Variants in LMO7 observed in about 807,000 individuals in gnomAD.
The protein encoded by LMO7 is LIM domain 7, also known as LIM domain only protein 7.
A neutral mutation model predicts 206.5 loss-of-function variants in LMO7; 120 were observed. That is an observed-to-expected ratio of 0.58 (90% confidence interval 0.50 to 0.68). LMO7 has a LOEUF of 0.68. LMO7 is among the 30% of genes least tolerant of loss of function. The probability of loss-of-function intolerance (pLI) is 0.00; values close to 1 mark genes in which losing one functional copy is unlikely to be tolerated. For missense variants in LMO7, 1,959 were observed against 1,957.9 expected (o/e 1.00, Z -0.01); for synonymous variants, 706 against 681.5 (o/e 1.04, Z -0.56).
At chr13:75,669,125 C>G (rs2039322522) in intron 1 of LMO7, among the ~76,000 whole-genome samples, 1 of 152,098 alleles carries the variant, frequency 6.6e-6, no homozygotes, top group East Asian at 1.9e-4. Context: ...AGTGCAGTAA[C>G]CAGTAAGAAA....
At chr13:75,713,134 G>A (rs758437866) in intron 1 of LMO7, 48 bp from the exon 2 acceptor site, 1 of 1,365,110 alleles carries the variant, frequency 7.3e-7, no homozygotes, top group Admixed American at 1.8e-5. Flanking sequence ...TTGGACTTGT[G>A]TGCTATCCCT....
chr13:75,700,107 T>C (rs2042183301), intron 1 of LMO7, among the ~76,000 whole-genome samples: 2 of 152,376 alleles, frequency 1.3e-5, no homozygotes, highest in South Asian at 4.1e-4. Flanking sequence ...TCTCCCTTGT[T>C]TCCTGAACAT....
At chr13:75,760,645 T>A in intron 3 of LMO7, 4 of 1,478,040 alleles carry the variant, frequency 2.7e-6, no homozygotes, top group Non-Finnish European at 3.6e-6. Flanking sequence ...GCTCAGTGGC[T>A]AGGCACTTGT....
chr13:75,834,879 A>G (rs897658781), intron 17 of LMO7, among the ~76,000 whole-genome samples: 5 of 152,184 alleles, frequency 3.3e-5, no homozygotes, highest in Admixed American at 3.3e-4. Context: ...CAGACCTACC[A>G]ACTTATGATA....
At chr13:75,719,697 C>T (rs961180776) in intron 2 of LMO7, among the ~76,000 whole-genome samples, 4 of 152,182 alleles carry the variant, frequency 2.6e-5, no homozygotes, top group Admixed American at 6.5e-5. Flanking sequence ...CCAGTCATGC[C>T]TCCTGTTAAG....
intron 4 of LMO7, among the ~76,000 whole-genome samples, chr13:75,767,498 C>T (rs913828821): frequency 6.6e-6 from 1 of 152,016 alleles, no homozygotes; most frequent in Non-Finnish European, 1.5e-5. Context: ...AAGCCTCACT[C>T]CTTCTAAAGT....
intron 4 of LMO7, among the ~76,000 whole-genome samples, chr13:75,772,969 G>A (rs1464699626): frequency 2.0e-5 from 3 of 152,084 alleles, no homozygotes; most frequent in African/African-American, 7.2e-5. Flanking sequence ...ACCACACTGA[G>A]TAACAAGGGT....
intron 15 of LMO7, among the ~76,000 whole-genome samples, chr13:75,831,885 G>A (rs1419782570): frequency 2.0e-5 from 3 of 152,064 alleles, no homozygotes; most frequent in East Asian, 1.9e-4. Context: ...CCACACCATA[G>A]CAAGTACTAT....
At chr13:75,764,595 G>A (rs916406310) in intron 4 of LMO7, among the ~76,000 whole-genome samples, 8 of 152,130 alleles carry the variant, frequency 5.3e-5, no homozygotes, top group African/African-American at 1.9e-4. Context: ...TGGCAGAAAG[G>A]TAGGGTTTAA....
intron 19 of LMO7, among the ~76,000 whole-genome samples, chr13:75,837,393 A>G (rs565364098): frequency 3.3e-5 from 5 of 152,356 alleles, no homozygotes; most frequent in African/African-American, 9.6e-5. Flanking sequence ...ATAGGTGATC[A>G]GACATCTAGC....
intron 23 of LMO7, 75 bp from the exon 24 acceptor site, chr13:75,841,553 G>A: frequency 9.3e-7 from 1 of 1,078,542 alleles, no homozygotes; most frequent in African/African-American, 1.6e-5. Flanking sequence ...ATCTAAAACT[G>A]AATATATATG....
chr13:75,829,442 A>G (rs940338732), intron 15 of LMO7, among the ~76,000 whole-genome samples: 1 of 152,088 alleles, frequency 6.6e-6, no homozygotes, highest in African/African-American at 2.4e-5. Flanking sequence ...ATGGATCAGG[A>G]TTTAGAGAGA....
intron 3 of LMO7, among the ~76,000 whole-genome samples, chr13:75,758,900 A>G (rs2047911471): frequency 6.6e-6 from 1 of 152,134 alleles, no homozygotes; most frequent in Non-Finnish European, 1.5e-5. Flanking sequence ...TCCTTTATTG[A>G]TATGAGACTT....
At position 75,636,845 on chromosome 13, in the gene LMO7, G is replaced by T; in HGVS notation, c.69+119G>T. 1.3e-5 allele frequency: 13 copies of T among 982,140 alleles called. No individual in the cohort carries two copies. In the South Asian group the frequency reaches 1.8e-4, roughly 14 times the overall value. 60.8% of individuals were successfully genotyped at this position (982,140 alleles called of 1,614,324 possible). A position where few individuals can be genotyped will look rare whatever the true frequency, so the allele number is the denominator to read the frequency against. On this transcript the variant is annotated intron_variant, in intron 1 of 30. Transcript: ENST00000377534. ...AGCCTCCTTCGGCGACCCAGCCGAC[G>T]TGAACAAGCTGGTTTGCTTGTGCAC...
Position 75,855,356 on chromosome 13 carries a change from G to A in LMO7, c.4758G>A (p.Leu1586=). 6.2e-7 allele frequency: 1 copy of A among 1,610,996 alleles called. No individual in the cohort carries two copies. Among genetic ancestry groups the A allele is most frequent in the Non-Finnish European group, 8.5e-7 (1 of 1,177,326 alleles). Residue 1586 remains leucine (L), a synonymous_variant, in exon 29 of 31, where the codon TTG becomes TTA. Transcript: ENST00000377534. The part of the protein sequence containing the change: ...IIESLGLCYH[L]HCFKCVACEC... ...AGTCCCTGGGTCTTTGTTATCATTT[G>A]CATTGTTTTAAGGTGAGACTGAGAC...
At chr13:75,778,194 T>A (rs2050789289) in intron 4 of LMO7, among the ~76,000 whole-genome samples, 1 of 152,210 alleles carries the variant, frequency 6.6e-6, no homozygotes, top group Non-Finnish European at 1.5e-5. Flanking sequence ...TTGAAACATT[T>A]TGTTCTGTGG....
chr13:75,742,402 G>A (rs2046486926), intron 3 of LMO7, among the ~76,000 whole-genome samples: 1 of 152,030 alleles, frequency 6.6e-6, no homozygotes, highest in South Asian at 2.1e-4. Context: ...AACCAAAAAA[G>A]CCCCAATAGC....
chr13:75,723,059 G>T (rs117955235), intron 2 of LMO7, among the ~76,000 whole-genome samples: 2 of 151,892 alleles, frequency 1.3e-5, no homozygotes, highest in East Asian at 1.9e-4. Flanking sequence ...TACATATTGC[G>T]TGCAGTGGAT....
At chr13:75,851,304 G>A (rs1417837783) in intron 27 of LMO7, among the ~76,000 whole-genome samples, 1 of 152,214 alleles carries the variant, frequency 6.6e-6, no homozygotes, top group African/African-American at 2.4e-5. Flanking sequence ...TAATCCATTT[G>A]TTTAAGACTG....
Sources: allele counts gnomAD v4.1 joint callset (sites outside exome capture counted in the v4.1 genomes callset), GRCh38; gene constraint gnomAD v4.1.1; transcripts MANE v1.5; gene names NCBI Gene and HGNC (gene_info 2026-07-23, HGNC 2026-07-21).